ACADSB: variants seen among roughly 807,000 people sequenced by gnomAD.
The protein encoded by ACADSB is short/branched chain specific acyl-CoA dehydrogenase, mitochondrial.
A neutral mutation model predicts 54.1 loss-of-function variants in ACADSB; 40 were observed. The observed-to-expected ratio is 0.74, with a 90% CI of 0.57 to 0.96. ACADSB has a LOEUF of 0.96. ACADSB is among the 40% of genes least tolerant of loss of function. The pLI is 0.00. For missense variants in ACADSB, 530 were observed against 510.4 expected, an observed-to-expected ratio of 1.04 and a Z score of -0.37; for synonymous variants, 182 against 182.8, an observed-to-expected ratio of 1.00 and a Z score of 0.03.
chr10:123,033,399 G>C (rs566441514), intron 1 of ACADSB, among the ~76,000 whole-genome samples: 1 of 151,642 alleles, frequency 6.6e-6, no homozygotes, highest in African/African-American at 2.4e-5. Flanking sequence ...ACTTTTCAGC[G>C]TGTAATCAAA....
At chr10:123,027,987 A>G (rs1011701563) in intron 1 of ACADSB, among the ~76,000 whole-genome samples, 2 of 152,166 alleles carry the variant, frequency 1.3e-5, no homozygotes, top group Non-Finnish European at 1.5e-5. Context: ...ATCCTGCCAT[A>G]AAGTGTCCAC....
intron 1 of ACADSB, among the ~76,000 whole-genome samples, chr10:123,018,059 C>G (rs1005285422): frequency 2.6e-5 from 4 of 152,140 alleles, no homozygotes; most frequent in African/African-American, 9.7e-5. Flanking sequence ...GTTCGACCCC[C>G]ACTTCCCATC....
intron 1 of ACADSB, among the ~76,000 whole-genome samples, chr10:123,013,285 G>A (rs1008870279): frequency 6.6e-6 from 1 of 152,166 alleles, no homozygotes. Context: ...ACCGATTGGT[G>A]CATCCACAAA....
chr10:123,011,258 A>C (rs1053074300), intron 1 of ACADSB, among the ~76,000 whole-genome samples: 26 of 151,994 alleles, frequency 1.7e-4, no homozygotes. Flanking sequence ...TACCCTATTT[A>C]CTCTTCCTGT....
chr10:123,044,951 T>G (rs932772696), intron 7 of ACADSB, among the ~76,000 whole-genome samples: 3 of 151,564 alleles, frequency 2.0e-5, no homozygotes, highest in Non-Finnish European at 2.9e-5. Context: ...TGGCGGCACA[T>G]GAAATAAAAT....
chr10:123,055,072 GA>G lies in ACADSB; in HGVS notation c.*1309del, dbSNP rs1371258973. 2 of 152,258 alleles carry G rather than the reference GA, an allele frequency of 1.3e-5. No individual in the cohort carries two copies. The highest frequency in any genetic ancestry group is 1.3e-4 in the Admixed American group (2 of 15,264). 9.4% of individuals were successfully genotyped at this position (152,258 alleles called of 1,614,324 possible). On this transcript the variant is annotated 3_prime_UTR_variant, in exon 11 of 11. Transcript: ENST00000358776. ...GTTTTATATTTGGGAAGGCAAAAAT[GA>G]ATCTATTGTTTTGCAATATAGGTTA...
intron 1 of ACADSB, 43 bp from the exon 2 acceptor site, chr10:123,034,313 G>T: frequency 1.3e-6 from 2 of 1,590,232 alleles, no homozygotes; most frequent in South Asian, 1.1e-5. Context: ...CAAAGAAAAT[G>T]ATATTCAAGT....
At chr10:123,010,226 A>G (rs980946680) in intron 1 of ACADSB, among the ~76,000 whole-genome samples, 13 of 152,242 alleles carry the variant, frequency 8.5e-5, no homozygotes, top group East Asian at 3.8e-4. Flanking sequence ...AGTCATCTCA[A>G]TTCTCACAAC....
intron 1 of ACADSB, among the ~76,000 whole-genome samples, chr10:123,011,625 C>T (rs570351131): frequency 4.7e-5 from 7 of 150,512 alleles, no homozygotes; most frequent in African/African-American, 1.5e-4. Context: ...CACCCGGATT[C>T]GAGCGATTCT....
At chr10:123,039,487 G>A (rs1435679503) in intron 3 of ACADSB, among the ~76,000 whole-genome samples, 3 of 152,296 alleles carry the variant, frequency 2.0e-5, no homozygotes, top group South Asian at 4.1e-4. Flanking sequence ...GAACTGGGTC[G>A]TTGGAAAGGC....
chr10:123,023,838 A>G (rs1850214031), intron 1 of ACADSB, among the ~76,000 whole-genome samples: 1 of 152,252 alleles, frequency 6.6e-6, no homozygotes, highest in East Asian at 1.9e-4. Flanking sequence ...ACAGTATTGC[A>G]AAATTTCCCA....
intron 1 of ACADSB, among the ~76,000 whole-genome samples, chr10:123,009,701 G>A (rs569094362): frequency 8.1e-4 from 110 of 135,518 alleles, no homozygotes; most frequent in Non-Finnish European, 1.6e-3. Flanking sequence ...GCCGGTGCCG[G>A]TCCCTCTTCC....
At position 123,040,587 on chromosome 10, in the gene ACADSB, A is replaced by G. The variant is rs1850458928; in HGVS notation, c.425A>G (p.Gln142Arg). The stretch of plus-strand genomic sequence containing the variant: ...TCTGTGGCTGTCTTTTGTGAGATCC[A>G]GAACACATTAATTAACACACTGATT... ...DASVAVFCEI[Q>R]NTLINTLIRK... The change falls in exon 4 of 11, where the codon CAG (glutamine) becomes CGG (arginine). Residue 142 changes from glutamine (Q) to arginine (R), a missense_variant. By Grantham distance (43) the Gln-to-Arg change is conservative. Coordinates refer to ENST00000358776, the MANE Select transcript of ACADSB (RefSeq NM_001609.4). 8 of 1,614,142 alleles carry G rather than the reference A, an allele frequency of 5.0e-6. No homozygotes were observed. The highest frequency in any genetic ancestry group is 6.8e-6 in the Non-Finnish European group (8 of 1,179,988).
rs769124815 is a variant in ACADSB, at chr10:123,047,247, T to C, written c.939T>C (p.Ile313=). The C allele has an allele frequency of 6.8e-6, 11 of 1,609,536 alleles. No homozygotes were observed. The Admixed American group carries it at 1.8e-4, about 27-fold the overall frequency. ...GLAQGCFDYT[I]PYIKERIQFG... ...CGCAAGGATGTTTTGACTACACTAT[T>C]CCATATATTAAAGAAAGGATACAAT... The change falls in exon 8 of 11, where the codon ATT becomes ATC. Residue 313 remains isoleucine (I), a synonymous_variant. Coordinates refer to ENST00000358776, the MANE Select transcript of ACADSB (RefSeq NM_001609.4).
intron 1 of ACADSB, among the ~76,000 whole-genome samples, chr10:123,022,137 T>A (rs930379556): frequency 1.2e-4 from 19 of 152,244 alleles, no homozygotes; most frequent in Non-Finnish European, 8.8e-5. Context: ...AAAAACAAAT[T>A]CTTTTAAATC....
intron 2 of ACADSB, among the ~76,000 whole-genome samples, chr10:123,037,232 G>A (rs1448039921): frequency 6.6e-6 from 1 of 152,080 alleles, no homozygotes. Context: ...CCAAGGTGGG[G>A]AAACCCTGTT....
intron 1 of ACADSB, among the ~76,000 whole-genome samples, chr10:123,030,608 T>G (rs1850314028): frequency 6.6e-6 from 1 of 152,098 alleles, no homozygotes; most frequent in Non-Finnish European, 1.5e-5. Context: ...GTCAAGTAGT[T>G]GGGGAGAAGC....
chr10:123,045,148 TATATATATATATATATATA>T (rs1157156435), intron 7 of ACADSB, among the ~76,000 whole-genome samples: 23 of 10,896 alleles, frequency 2.1e-3, no homozygotes, highest in African/African-American at 7.6e-3. Context: ...TATATATATA[TATATATATATATATATATA>T]TATATTTTTT....
At chr10:123,047,375 A>G (rs1850575072) in intron 8 of ACADSB, 77 bp downstream of exon 8, 2 of 1,034,992 alleles carry the variant, frequency 1.9e-6, no homozygotes, top group African/African-American at 3.1e-5. Flanking sequence ...GTTGAAATCC[A>G]TGGAGGGAAT....
Sources: allele counts gnomAD v4.1 joint callset (sites outside exome capture counted in the v4.1 genomes callset), GRCh38; gene constraint gnomAD v4.1.1; transcripts MANE v1.5; gene names NCBI Gene and HGNC (gene_info 2026-07-23, HGNC 2026-07-21).